Variants in R3HDM2 observed in about 807,000 individuals in gnomAD.
The protein encoded by R3HDM2 is R3H domain containing 2, also known as R3H domain-containing protein 2.
A neutral mutation model predicts 124.5 loss-of-function variants in R3HDM2; 38 were observed. The observed-to-expected ratio is 0.31, with a 90% CI of 0.24 to 0.40. The LOEUF is 0.40. Ranked by LOEUF, R3HDM2 falls within the 10% of genes least tolerant of loss-of-function variation. R3HDM2 has a pLI of 1.00. For synonymous variants in R3HDM2, 391 were observed against 448.0 expected, an observed-to-expected ratio of 0.87 and a Z score of 1.61; for missense variants, 869 against 1,236.9, an observed-to-expected ratio of 0.70 and a Z score of 4.46.
intron 2 of R3HDM2, among the ~76,000 whole-genome samples, chr12:57,374,615 G>A (rs556427219): frequency 3.4e-4 from 50 of 145,864 alleles, no homozygotes; most frequent in African/African-American, 1.2e-3. Context: ...CCCAGGAGGC[G>A]GAGGTTGCAG....
At chr12:57,263,657 T>G (rs956560327) in intron 19 of R3HDM2, among the ~76,000 whole-genome samples, 1 of 152,072 alleles carries the variant, frequency 6.6e-6, no homozygotes, top group Non-Finnish European at 1.5e-5. Context: ...TTAGTAGAGA[T>G]GGGGTTTTGC....
chr12:57,360,479 T>C (rs1009383810), intron 2 of R3HDM2, among the ~76,000 whole-genome samples: 4 of 151,862 alleles, frequency 2.6e-5, no homozygotes, highest in Admixed American at 1.3e-4. Context: ...TAAAAAAAAT[T>C]TTTTTTTAAT....
chr12:57,292,835 C>A (rs986183377), intron 10 of R3HDM2, among the ~76,000 whole-genome samples, 168 bp from the exon 11 acceptor site: 3 of 152,118 alleles, frequency 2.0e-5, no homozygotes, highest in Non-Finnish European at 4.4e-5. Flanking sequence ...GTACATCTGA[C>A]CATGCAGTTT....
At chr12:57,360,849 G>A (rs1194808264) in intron 2 of R3HDM2, among the ~76,000 whole-genome samples, 2 of 151,540 alleles carry the variant, frequency 1.3e-5, no homozygotes, top group Admixed American at 6.6e-5. Flanking sequence ...AGGTCAGATC[G>A]AGATCATCCT....
At chr12:57,429,526 C>A (rs1028960856) in intron 1 of R3HDM2, among the ~76,000 whole-genome samples, 26 of 152,108 alleles carry the variant, frequency 1.7e-4, no homozygotes, top group Non-Finnish European at 3.1e-4. Flanking sequence ...AGTTCCAGAC[C>A]AGCCTGGGCA....
chr12:57,293,414 A>G (rs1360220576), intron 10 of R3HDM2, among the ~76,000 whole-genome samples: 1 of 152,208 alleles, frequency 6.6e-6, no homozygotes, highest in South Asian at 2.1e-4. Flanking sequence ...GGGGAGAGAC[A>G]GAGAGATAGA....
chr12:57,268,174 TAC>T, intron 18 of R3HDM2, 127 bp downstream of exon 18: 4 of 960,256 alleles, frequency 4.2e-6, no homozygotes, highest in Non-Finnish European at 5.9e-6. Context: ...CCTCATATTC[TAC>T]CTGCTTTAGG....
rs547267643 is a variant in R3HDM2 at position 57,315,186 on chromosome 12, C to T, written c.-35-4723G>A. Among the ~76,000 whole-genome samples, 8 of 152,206 alleles carry T rather than the reference C, an allele frequency of 5.3e-5. No homozygotes were observed. The East Asian group carries it at 1.4e-3, about 26-fold the overall frequency. On this transcript the variant is annotated intron_variant, in intron 2 of 23. Transcript: ENST00000402412. ...CCAAGTAGCTGGCATTACATGCGCT[C>T]GCTTCCATACCTGGCTAATTTTTAT...
Position 57,256,408 on chromosome 12 carries a change from C to A in R3HDM2, c.2547+6G>T. The A allele has an allele frequency of 6.4e-7, 1 of 1,566,568 alleles. No homozygotes were observed. The highest frequency in any genetic ancestry group is 8.7e-7 in the Non-Finnish European group (1 of 1,152,364). ...TGGCCCTACAGTTGCTGGTGGACAC[C>A]CTTACCTGGTGCACCGTGTAAGTTG... On this transcript the variant is annotated splice_donor_region_variant and intron_variant, in intron 22 of 23. Coordinates refer to ENST00000402412, the MANE Select transcript of R3HDM2 (RefSeq NM_001394031.1).
intron 11 of R3HDM2, among the ~76,000 whole-genome samples, chr12:57,291,666 C>CA (rs535041961): frequency 0.026 from 3,652 of 142,616 alleles, 68 homozygotes; most frequent in East Asian, 0.054. Flanking sequence ...AAAAAAAAAA[C>CA]AAAAAAAAAC....
At chr12:57,386,514 G>T (rs988999633) in intron 2 of R3HDM2, among the ~76,000 whole-genome samples, 4 of 152,246 alleles carry the variant, frequency 2.6e-5, no homozygotes, top group Middle Eastern at 3.2e-3. Context: ...TCGGGGCAGG[G>T]CTTGGGACCT....
chr12:57,281,337 T>A (rs1310457195), intron 13 of R3HDM2, among the ~76,000 whole-genome samples: 1 of 147,262 alleles, frequency 6.8e-6, no homozygotes, highest in Non-Finnish European at 1.5e-5. Flanking sequence ...AGCATACACA[T>A]AACCTTTATC....
chr12:57,412,680 GCCTGGATTA>G (rs1234345680), intron 1 of R3HDM2, among the ~76,000 whole-genome samples: 1 of 152,008 alleles, frequency 6.6e-6, no homozygotes, highest in Non-Finnish European at 1.5e-5. Flanking sequence ...AGTGACTACA[GCCTGGATTA>G]CCTGAGCATA....
At chr12:57,363,216 C>T (rs1365204269) in intron 2 of R3HDM2, among the ~76,000 whole-genome samples, 1 of 152,134 alleles carries the variant, frequency 6.6e-6, no homozygotes, top group Non-Finnish European at 1.5e-5. Context: ...GTGGTGAATT[C>T]TATCAGCTTT....
intron 14 of R3HDM2, 83 bp from the exon 15 acceptor site, chr12:57,270,077 A>G: frequency 6.6e-7 from 1 of 1,510,890 alleles, no homozygotes; most frequent in South Asian, 1.2e-5. Flanking sequence ...GAGAAATAGC[A>G]ATGCTTTTTA....
intron 2 of R3HDM2, among the ~76,000 whole-genome samples, chr12:57,338,476 G>T (rs1404808193): frequency 6.6e-6 from 1 of 152,066 alleles, no homozygotes; most frequent in Non-Finnish European, 1.5e-5. Flanking sequence ...ATCCATATTG[G>T]TTGGATATGT....
chr12:57,308,093 C>A (rs2053117480), intron 3 of R3HDM2, among the ~76,000 whole-genome samples: 1 of 145,678 alleles, frequency 6.9e-6, no homozygotes, highest in African/African-American at 2.6e-5. Context: ...CTCGCTCTGT[C>A]ACCCAGGCTG....
intron 20 of R3HDM2, among the ~76,000 whole-genome samples, 193 bp from the exon 21 acceptor site, chr12:57,258,330 ATTT>A (rs1237437749): frequency 6.6e-6 from 1 of 150,412 alleles, no homozygotes; most frequent in African/African-American, 2.4e-5. Context: ...TTATTTATTT[ATTT>A]ATTTATTTAT....
At chr12:57,298,466 T>G (rs973710396) in intron 6 of R3HDM2, among the ~76,000 whole-genome samples, 1 of 152,192 alleles carries the variant, frequency 6.6e-6, no homozygotes, top group African/African-American at 2.4e-5. Flanking sequence ...CAGGTTTTAT[T>G]AAGGAAAATA....
Sources: gnomAD v4.1 joint callset for allele counts (sites outside exome capture counted in the v4.1 genomes callset) on GRCh38, gnomAD v4.1.1 for gene constraint, MANE v1.5 for transcripts, NCBI Gene and HGNC (gene_info 2026-07-23, HGNC 2026-07-21) for gene names.